Variants in ANXA13 observed in about 807,000 individuals in gnomAD.
The protein encoded by ANXA13 is annexin A13.
ANXA13 carries 36 observed loss-of-function variants against 46.6 expected under a neutral mutation model. The observed-to-expected ratio is 0.77, with a 90% CI of 0.59 to 1.02. ANXA13 has a LOEUF of 1.02. ANXA13 is among the 50% of genes least tolerant of loss of function. The pLI is 0.00. For synonymous variants in ANXA13, 163 were observed against 152.9 expected (o/e 1.07, Z -0.49); for missense variants, 417 against 396.5 (o/e 1.05, Z -0.44).
chr8:123,707,751 G>A lies in ANXA13; in HGVS notation c.91+4927C>T, dbSNP rs187976520. Among the ~76,000 whole-genome samples, 757 of 152,064 alleles carry A rather than the reference G, an allele frequency of 5.0e-3. 15 individuals carry two copies. Among genetic ancestry groups the A allele is most frequent in the Non-Finnish European group, 4.5e-3 (309 of 67,998 alleles). ...AGGAGAAATACCTAATGTAGATAAC[G>A]GGTTGATGGGTGTAGCAAACCACCA... On this transcript the variant is annotated intron_variant, in intron 2 of 10. Transcript: ENST00000419625.
At chr8:123,720,830 G>A (rs957390893) in intron 1 of ANXA13, among the ~76,000 whole-genome samples, 6 of 152,044 alleles carry the variant, frequency 3.9e-5, no homozygotes, top group East Asian at 3.9e-4. Flanking sequence ...CAATCCTCCC[G>A]CCTCATGTGA....
chr8:123,702,218 A>G (rs1269219446), intron 3 of ANXA13, among the ~76,000 whole-genome samples: 2 of 151,388 alleles, frequency 1.3e-5, no homozygotes, highest in Non-Finnish European at 2.9e-5. Context: ...AAGAAAATGT[A>G]AAGAAAAATA....
At chr8:123,706,958 C>T (rs1332902463) in intron 2 of ANXA13, among the ~76,000 whole-genome samples, 1 of 152,224 alleles carries the variant, frequency 6.6e-6, no homozygotes, top group Non-Finnish European at 1.5e-5. Flanking sequence ...TCCACTCCTA[C>T]TTCTCCTTCA....
intron 1 of ANXA13, among the ~76,000 whole-genome samples, chr8:123,720,138 A>T (rs1813833873): frequency 6.6e-6 from 1 of 152,194 alleles, no homozygotes; most frequent in Non-Finnish European, 1.5e-5. Flanking sequence ...CTCAGTAAAC[A>T]TTTGACAATG....
At chr8:123,686,470 AAAAGAAAGAAAG>A (rs543852343) in intron 9 of ANXA13, among the ~76,000 whole-genome samples, 2 of 148,882 alleles carry the variant, frequency 1.3e-5, no homozygotes, top group South Asian at 4.3e-4. Context: ...AAAAAAAAAA[AAAAGAAAGAAAG>A]AAAGAAAGAA....
chr8:123,703,462 T>C (rs779384385), intron 2 of ANXA13, among the ~76,000 whole-genome samples: 6 of 152,074 alleles, frequency 3.9e-5, no homozygotes, highest in Non-Finnish European at 7.3e-5. Context: ...ATAAAAACTG[T>C]TGAATTGAAC....
intron 8 of ANXA13, 27 bp downstream of exon 8, chr8:123,693,170 C>A (rs769649009): frequency 1.9e-6 from 3 of 1,596,370 alleles, no homozygotes; most frequent in Middle Eastern, 1.7e-4. Flanking sequence ...AGAGTGAACT[C>A]TTTTGCCCCA....
intron 10 of ANXA13, among the ~76,000 whole-genome samples, chr8:123,683,982 T>C (rs11781293): frequency 0.36 from 55,488 of 152,042 alleles, 13,218 homozygotes; most frequent in African/African-American, 0.68. Flanking sequence ...CACAAATTGG[T>C]TTTTAGGGGG....
In ANXA13 at chr8:123,713,376, CCA is replaced by C. The variant is rs1347006266; in HGVS notation, c.16-625_16-624del. ...TGGCACAATACATGCACTATTGCAT[CCA>C]CAGTTACCTATGTCTAAATAATAAG... On this transcript the variant is annotated intron_variant, in intron 1 of 10. Coordinates refer to ENST00000419625, the MANE Select transcript of ANXA13 (RefSeq NM_004306.4). Among the ~76,000 whole-genome samples, 3 of 152,140 alleles carry C rather than the reference CCA, an allele frequency of 2.0e-5. No individual in the cohort carries two copies. The East Asian group carries it at 5.8e-4, about 29-fold the overall frequency.
At chr8:123,716,351 C>G (rs548883420) in intron 1 of ANXA13, among the ~76,000 whole-genome samples, 73 of 152,232 alleles carry the variant, frequency 4.8e-4, no homozygotes, top group African/African-American at 1.7e-3. Flanking sequence ...TCCCAACATG[C>G]TAGGATTACA....
At chr8:123,686,459 T>TA (rs750752983) in intron 9 of ANXA13, among the ~76,000 whole-genome samples, 2,927 of 124,882 alleles carry the variant, frequency 0.023, 88 homozygotes, top group African/African-American at 0.077. Context: ...AACTGTGTCT[T>TA]AAAAAAAAAA....
intron 1 of ANXA13, among the ~76,000 whole-genome samples, chr8:123,731,103 G>A (rs1257350362): frequency 1.3e-5 from 2 of 152,186 alleles, no homozygotes; most frequent in Non-Finnish European, 2.9e-5. Flanking sequence ...TGGAAGGCTT[G>A]TTCAGATGCA....
At chr8:123,731,957 G>A (rs186814521) in intron 1 of ANXA13, among the ~76,000 whole-genome samples, 135 of 152,298 alleles carry the variant, frequency 8.9e-4, no homozygotes, top group African/African-American at 3.2e-3. Flanking sequence ...GAGAACTATG[G>A]AAGCCTTAAG....
Position 123,684,632 on chromosome 8 carries a change from C to T in ANXA13, c.809G>A (p.Arg270His), listed in dbSNP as rs755136156. The change falls in exon 10 of 11, where the codon CGC becomes CAC. Residue 270 changes from arginine (R) to histidine (H), a missense_variant. Arg to His is a conservative substitution (Grantham distance 29, BLOSUM62 0). Transcript: ENST00000419625. ...TACCTCGGCCCTGGTCACGACTATG[C>T]GAATCAACGTCTCCTCATCGGTCCC... The part of the protein sequence containing the change: ...GAGTDEETLI[R>H]IVVTRAEVDL... 6.8e-6 allele frequency: 11 copies of T among 1,613,738 alleles called. No individual in the cohort carries two copies. The East Asian group carries it at 8.9e-5, about 13-fold the overall frequency.
chr8:123,730,854 C>T (rs1814103791), intron 1 of ANXA13, among the ~76,000 whole-genome samples: 1 of 152,052 alleles, frequency 6.6e-6, no homozygotes, highest in African/African-American at 2.4e-5. Context: ...AGAGGGAACC[C>T]TGGGTGGGGT....
intron 9 of ANXA13, among the ~76,000 whole-genome samples, chr8:123,688,321 G>C (rs936739766): frequency 2.6e-5 from 4 of 152,188 alleles, no homozygotes; most frequent in African/African-American, 9.7e-5. Context: ...CACCATGTAA[G>C]CTGTGCCTTC....
At chr8:123,684,752 A>C in intron 9 of ANXA13, 30 bp from the exon 10 acceptor site, 1 of 1,533,794 alleles carries the variant, frequency 6.5e-7, no homozygotes, top group Non-Finnish European at 9.0e-7. Context: ...AGAGAATGTG[A>C]GGCTTTCACG....
In ANXA13 at chr8:123,707,909, G is replaced by A. The variant is rs917280030; in HGVS notation, c.91+4769C>T. Among the ~76,000 whole-genome samples, 11 of 152,070 alleles carry A rather than the reference G, an allele frequency of 7.2e-5. No homozygotes were observed. The South Asian group carries it at 2.3e-3, about 32-fold the overall frequency. ...AAAGCTAAAAAAGAAAAAAAAGGGC[G>A]AGAAACCAGATTGCAAAACAGTCCT... On this transcript the variant is annotated intron_variant, in intron 2 of 10. Coordinates refer to ENST00000419625, the MANE Select transcript of ANXA13 (RefSeq NM_004306.4).
At chr8:123,717,580 A>G (rs1003976990) in intron 1 of ANXA13, among the ~76,000 whole-genome samples, 3 of 152,256 alleles carry the variant, frequency 2.0e-5, no homozygotes, top group East Asian at 3.8e-4. Context: ...AAGCAACATC[A>G]TATTTATAAT....
Sources: gnomAD v4.1 joint callset for allele counts (sites outside exome capture counted in the v4.1 genomes callset) on GRCh38, gnomAD v4.1.1 for gene constraint, MANE v1.5 for transcripts, NCBI Gene and HGNC (gene_info 2026-07-23, HGNC 2026-07-21) for gene names.